The following COL9A1 variants were observed in gnomAD, a reference collection of about 807,000 sequenced individuals.
COL9A1 encodes the protein collagen alpha-1(IX) chain.
COL9A1 carries 104 observed loss-of-function variants against 142.6 expected under a neutral mutation model. The ratio of observed to expected loss-of-function variants is 0.73; its 90% CI spans 0.62 to 0.86. The LOEUF (loss-of-function observed/expected upper bound fraction) is 0.86. COL9A1 is among the 40% of genes least tolerant of loss of function. The pLI is 0.00. For synonymous variants in COL9A1, 466 were observed against 396.0 expected (o/e 1.18, Z -2.10); for missense variants, 1,210 against 1,176.6 (o/e 1.03, Z -0.42).
intron 37 of COL9A1, 98 bp from the exon 38 acceptor site, chr6:70,217,179 A>G: frequency 8.3e-7 from 1 of 1,202,308 alleles, no homozygotes; most frequent in Non-Finnish European, 1.2e-6. Flanking sequence ...AAGGGGTTTA[A>G]CAAACGCTTT....
chr6:70,241,549 G>T, intron 30 of COL9A1, 95 bp from the exon 31 acceptor site: 1 of 1,024,918 alleles, frequency 9.8e-7, no homozygotes, highest in Non-Finnish European at 1.5e-6. Context: ...GCACAAGTAC[G>T]GATAATGTGA....
chr6:70,300,248 T>TAA (rs371900114), intron 3 of COL9A1, 61 bp downstream of exon 3: 220 of 1,324,678 alleles, frequency 1.7e-4, no homozygotes, highest in Non-Finnish European at 2.2e-4. Context: ...CTTTCCCAAA[T>TAA]AAAAAAAAAA....
At chr6:70,270,479 C>T in intron 14 of COL9A1, 112 bp from the exon 15 acceptor site, 1 of 919,512 alleles carries the variant, frequency 1.1e-6, no homozygotes. Context: ...CCGAGCTCAG[C>T]CATGCATAGA....
At chr6:70,227,422 T>C (rs1337354799) in intron 36 of COL9A1, among the ~76,000 whole-genome samples, 1 of 55,356 alleles carries the variant, frequency 1.8e-5, no homozygotes, top group Non-Finnish European at 3.5e-5. Context: ...AAATGCAAAT[T>C]GTAAAAAAAA....
Position 70,294,291 on chromosome 6 carries a change from C to T in COL9A1, c.572G>A (p.Ser191Asn). Residue 191 changes from serine (S) to asparagine (N), a missense_variant, in exon 5 of 38, where the codon AGT becomes AAT. Coordinates refer to ENST00000357250, the MANE Select transcript of COL9A1 (RefSeq NM_001851.6). ...GTTGCAGTCAACAAAAAGAGTAGCA[C>T]TACTCCTCTCCACGCCAATCATGAT... ...HKIMIGVERS[S>N]ATLFVDCNRI... The T allele has an allele frequency of 6.2e-7, 1 of 1,614,044 alleles. No homozygotes were observed. The highest frequency in any genetic ancestry group is 8.5e-7 in the Non-Finnish European group (1 of 1,179,960).
intron 29 of COL9A1, 71 bp from the exon 30 acceptor site, chr6:70,242,106 C>G: frequency 1.5e-6 from 2 of 1,327,272 alleles, no homozygotes; most frequent in South Asian, 1.3e-5. Context: ...GCAGAAACAA[C>G]CTTGGGTGTG....
rs75822838 is a variant in COL9A1 at position 70,290,219 on chromosome 6, A to G, written c.696+3948T>C. ...AGAAAGGCCAACTTTGTTTTCTAAT[A>G]GAGCTGTACAAAATAATTCTCCTAG... On this transcript the variant is annotated intron_variant, in intron 5 of 37. Transcript: ENST00000357250. 7.2e-3 allele frequency among the ~76,000 whole-genome samples: 1,098 copies of G among 152,272 alleles called. 8 individuals carry two copies. Among genetic ancestry groups the G allele is most frequent in the Non-Finnish European group, 0.011 (744 of 67,994 alleles).
chr6:70,231,305 A>G (rs1261118338), intron 36 of COL9A1, among the ~76,000 whole-genome samples: 2 of 152,220 alleles, frequency 1.3e-5, no homozygotes, highest in Non-Finnish European at 2.9e-5. Context: ...AGTTTCTTAG[A>G]AATTATTTAC....
chr6:70,273,404 A>G (rs1583308108), intron 12 of COL9A1, among the ~76,000 whole-genome samples: 1 of 152,324 alleles, frequency 6.6e-6, no homozygotes, highest in East Asian at 1.9e-4. Flanking sequence ...AAATAGGCTT[A>G]TAATGGAAAA....
intron 33 of COL9A1, among the ~76,000 whole-genome samples, chr6:70,238,440 G>T (rs1021442125): frequency 1.3e-5 from 2 of 152,144 alleles, no homozygotes; most frequent in Non-Finnish European, 2.9e-5. Flanking sequence ...CTATAAAAAT[G>T]ACAAAAATGA....
Position 70,216,810 on chromosome 6 carries a change from T to A in COL9A1, c.*87A>T. On this transcript the variant is annotated 3_prime_UTR_variant, in exon 38 of 38. Transcript: ENST00000357250. Reference sequence around the variant, plus strand: ...ATTGTAATCATGCTGAAGGTAATCATCTTTGCCCCAGCTTTGGATGGTGTT... The same window carrying A: ...ATTGTAATCATGCTGAAGGTAATCAACTTTGCCCCAGCTTTGGATGGTGTT... 1 of 1,380,728 alleles carries A rather than the reference T, an allele frequency of 7.2e-7. No individual in the cohort carries two copies. The highest frequency in any genetic ancestry group is 1.0e-6 in the Non-Finnish European group (1 of 976,852). The allele number at this position is 1,380,728 out of a possible 1,614,324, so 85.5% of individuals were successfully genotyped here.
At chr6:70,270,504 C>G in intron 14 of COL9A1, 137 bp from the exon 15 acceptor site, 3 of 578,000 alleles carry the variant, frequency 5.2e-6, no homozygotes, top group Non-Finnish European at 8.7e-6. Context: ...CCACCAAAAT[C>G]GATGGGTGGC....
At chr6:70,252,612 A>G (rs2127574851) in intron 26 of COL9A1, among the ~76,000 whole-genome samples, 1 of 152,318 alleles carries the variant, frequency 6.6e-6, no homozygotes, top group South Asian at 2.1e-4. Context: ...TCTTCACAAT[A>G]TTAATAATAT....
rs1583310017 is a variant in COL9A1, at chr6:70,274,099, T to C, written c.1030-17A>G. 2.5e-6 allele frequency: 4 copies of C among 1,584,950 alleles called. No individual in the cohort carries two copies. In the East Asian group the frequency reaches 6.9e-5, roughly 27 times the overall value. ...AGGTTCTCCCTAAAAATAAAAATAG[T>C]TTCATTGTACTGACCTTTCATATCA... On this transcript the variant is annotated splice_polypyrimidine_tract_variant and intron_variant, in intron 11 of 37. Coordinates refer to ENST00000357250, the MANE Select transcript of COL9A1 (RefSeq NM_001851.6).
At position 70,216,655 on chromosome 6, in the gene COL9A1, T is replaced by C; in HGVS notation, c.*242A>G. On this transcript the variant is annotated 3_prime_UTR_variant, in exon 38 of 38. Coordinates refer to ENST00000357250, the MANE Select transcript of COL9A1 (RefSeq NM_001851.6). ...TATTCAAGGGAGGTGTTTGGTTTTC[T>C]TTTTTTTTTTTTAACTGATGACTCT... 2.7e-5 allele frequency: 3 copies of C among 110,390 alleles called. No homozygotes were observed. The highest frequency in any genetic ancestry group is 5.3e-5 in the Non-Finnish European group (3 of 56,962). 6.8% of individuals were successfully genotyped at this position (110,390 alleles called of 1,614,324 possible).
chr6:70,292,888 G>A (rs1211134288), intron 5 of COL9A1, among the ~76,000 whole-genome samples: 1 of 152,146 alleles, frequency 6.6e-6, no homozygotes, highest in African/African-American at 2.4e-5. Flanking sequence ...AGCCACTTGA[G>A]GTGTGATAAC....
At chr6:70,253,568 T>G in intron 25 of COL9A1, 139 bp from the exon 26 acceptor site, 1 of 685,768 alleles carries the variant, frequency 1.5e-6, no homozygotes, top group Non-Finnish European at 2.6e-6. Context: ...TGCTTCCTAG[T>G]TCCCAAATTC....
chr6:70,249,424 G>A (rs1770795391), intron 28 of COL9A1, among the ~76,000 whole-genome samples: 1 of 152,112 alleles, frequency 6.6e-6, no homozygotes, highest in African/African-American at 2.4e-5. Flanking sequence ...CCAAGTTGCA[G>A]CAATATCCTT....
At chr6:70,280,070 A>T in intron 10 of COL9A1, 1 of 680,888 alleles carries the variant, frequency 1.5e-6, no homozygotes, top group Non-Finnish European at 2.7e-6. Context: ...GAAGCTGAGA[A>T]TCCTGAAGTC....
Sources: gnomAD v4.1 joint callset for allele counts (sites outside exome capture counted in the v4.1 genomes callset) on GRCh38, gnomAD v4.1.1 for gene constraint, MANE v1.5 for transcripts, NCBI Gene and HGNC (gene_info 2026-07-23, HGNC 2026-07-21) for gene names.